The following TRIM37 variants were observed in gnomAD, a reference collection of about 807,000 sequenced individuals.
TRIM37 encodes E3 ubiquitin-protein ligase TRIM37.
In TRIM37, 80 loss-of-function variants were observed where a neutral mutation model predicts 129.8. The ratio of observed to expected loss-of-function variants is 0.62; its 90% CI spans 0.51 to 0.74. The LOEUF (loss-of-function observed/expected upper bound fraction) is 0.74, where lower values mean the gene tolerates loss of function less well. Among genes scored for constraint, TRIM37 ranks in the 30% least tolerant of loss-of-function variants. The probability of loss-of-function intolerance (pLI) is 0.00; values close to 1 mark genes in which losing one functional copy is unlikely to be tolerated. For missense variants in TRIM37, 1,054 were observed against 1,176.5 expected, an observed-to-expected ratio of 0.90 and a Z score of 1.52; for synonymous variants, 389 against 387.1, an observed-to-expected ratio of 1.00 and a Z score of -0.06.
chr17:59,066,505 AAAC>A (rs1367793589), intron 9 of TRIM37, among the ~76,000 whole-genome samples: 1 of 152,198 alleles, frequency 6.6e-6, no homozygotes, highest in East Asian at 1.9e-4. Flanking sequence ...AACCCAAATT[AAAC>A]AACAAGAGAT....
chr17:58,976,419 A>G, the TRIM37 span, among the ~76,000 whole-genome samples: 1 of 152,318 alleles, frequency 6.6e-6, no homozygotes, highest in East Asian at 1.9e-4. Context: ...GAAGAATTTG[A>G]GAAAGAATTG....
At chr17:59,056,642 A>C (rs1245046510) in intron 13 of TRIM37, among the ~76,000 whole-genome samples, 1 of 136,910 alleles carries the variant, frequency 7.3e-6, no homozygotes, top group Admixed American at 8.4e-5. Context: ...AGGCAGGAGA[A>C]TGGCGTGAAC....
At chr17:58,985,443 C>T (rs185395878) in intron 24 of TRIM37, among the ~76,000 whole-genome samples, 33 of 152,264 alleles carry the variant, frequency 2.2e-4, no homozygotes, top group Admixed American at 1.5e-3. Flanking sequence ...AAGAGGAACC[C>T]GACCTGCCAA....
At chr17:59,073,298 C>T (rs1359560652) in intron 8 of TRIM37, among the ~76,000 whole-genome samples, 2 of 146,304 alleles carry the variant, frequency 1.4e-5, no homozygotes, top group South Asian at 2.1e-4. Context: ...ATATTATTTA[C>T]TTTTTTTTTT....
chr17:59,092,348 G>A (rs1273799798), intron 2 of TRIM37, among the ~76,000 whole-genome samples: 15 of 150,616 alleles, frequency 1.0e-4, no homozygotes, highest in Non-Finnish European at 1.9e-4. Context: ...GCAGTGAGCC[G>A]AGATCCTGCC....
At position 59,062,672 on chromosome 17, in the gene TRIM37, AATCCCAAG is replaced by A. The variant is rs533635114; in HGVS notation, c.861-32_861-25del. 570 of 1,601,776 alleles carry A rather than the reference AATCCCAAG, an allele frequency of 3.6e-4. 1 individual carries two copies. The East Asian group carries it at 0.01, about 29-fold the overall frequency. Reference sequence around the variant, plus strand: ...TGCTAACGAAAAAGAAAACCAACCAAATCCCAAGATCAAAACTGTTGTGAAATGGCAAC... The same window carrying A: ...TGCTAACGAAAAAGAAAACCAACCAAATCAAAACTGTTGTGAAATGGCAAC... On this transcript the variant is annotated intron_variant, in intron 10 of 23. Coordinates refer to ENST00000262294, the MANE Select transcript of TRIM37 (RefSeq NM_015294.6).
chr17:59,032,115 T>A, intron 17 of TRIM37, 25 bp from the exon 18 acceptor site: 1 of 1,607,414 alleles, frequency 6.2e-7, no homozygotes, highest in Non-Finnish European at 8.5e-7. Context: ...TAGAAAATGA[T>A]ATATATATGC....
intron 24 of TRIM37, among the ~76,000 whole-genome samples, chr17:58,987,905 C>A (rs1292431901): frequency 6.6e-6 from 1 of 152,198 alleles, no homozygotes; most frequent in Non-Finnish European, 1.5e-5. Context: ...AATCACAGCA[C>A]TTCCAGCTTC....
chr17:59,049,486 T>C, intron 14 of TRIM37, 93 bp from the exon 15 acceptor site: 2 of 1,076,010 alleles, frequency 1.9e-6, no homozygotes, highest in Admixed American at 1.9e-5. Flanking sequence ...CAGATGTTTC[T>C]AAAACCATTG....
At chr17:58,992,319 G>A (rs1040968931) in intron 24 of TRIM37, among the ~76,000 whole-genome samples, 47 of 96,584 alleles carry the variant, frequency 4.9e-4, no homozygotes, top group Admixed American at 1.4e-3. Flanking sequence ...AAATACATAT[G>A]TAAATATATA....
Position 59,032,409 on chromosome 17 carries a change from C to CA in TRIM37, c.1754-320dup, listed in dbSNP as rs559080831. ...GCGCGGTGGCGGGCGCCTGTAGTCCCAGCTACTCGGGAGGCTGAGGCAGGA... is the reference window on the plus strand; with the variant it reads ...GCGCGGTGGCGGGCGCCTGTAGTCCCAAGCTACTCGGGAGGCTGAGGCAGGA... On this transcript the variant is annotated intron_variant, in intron 17 of 23. Coordinates refer to ENST00000262294, the MANE Select transcript of TRIM37 (RefSeq NM_015294.6). Among the ~76,000 whole-genome samples the CA allele has an allele frequency of 2.5e-3, 371 of 151,352 alleles. 2 individuals carry two copies. The highest frequency in any genetic ancestry group is 8.7e-3 in the African/African-American group (358 of 41,312).
intron 16 of TRIM37, 80 bp downstream of exon 16, chr17:59,047,603 T>C: frequency 1.4e-6 from 2 of 1,414,568 alleles, no homozygotes; most frequent in South Asian, 1.2e-5. Context: ...TGAATATCCC[T>C]ACATTTAAGT....
At chr17:59,075,994 G>A (rs528875289) in intron 7 of TRIM37, among the ~76,000 whole-genome samples, 10 of 152,202 alleles carry the variant, frequency 6.6e-5, no homozygotes, top group African/African-American at 1.9e-4. Context: ...TATACTTTAA[G>A]CAAAAAATTT....
At chr17:58,994,355 A>T (rs183051866), downstream of TRIM37, among the ~76,000 whole-genome samples, 3 of 152,086 alleles carry the variant, frequency 2.0e-5, no homozygotes, top group East Asian at 1.9e-4. Context: ...AAAAAATAAT[A>T]AAAAAAATAG....
chr17:58,971,582 G>A, the TRIM37 span, among the ~76,000 whole-genome samples: 1 of 152,176 alleles, frequency 6.6e-6, no homozygotes, highest in South Asian at 2.1e-4. Flanking sequence ...AAGCATCTTA[G>A]TACTCCAGGG....
chr17:58,967,299 G>A, the TRIM37 span, among the ~76,000 whole-genome samples: 1 of 151,940 alleles, frequency 6.6e-6, no homozygotes, highest in African/African-American at 2.4e-5. Flanking sequence ...TTACAACATT[G>A]TTTATAATAA....
intron 19 of TRIM37, among the ~76,000 whole-genome samples, chr17:59,019,444 T>C (rs146238393): frequency 0.021 from 3,167 of 152,262 alleles, 42 homozygotes; most frequent in Middle Eastern, 0.044. Context: ...GCGCAGTGGC[T>C]CACATCTGTA....
chr17:59,049,330 G>A lies in TRIM37; in HGVS notation c.1378C>T (p.Leu460Phe). Residue 460 changes from leucine to phenylalanine, a missense_variant, in exon 15 of 24, where the codon CTT becomes TTT. Coordinates refer to ENST00000262294, the MANE Select transcript of TRIM37 (RefSeq NM_015294.6). ...AGAGCATCATCATTTTGGGGGCTAA[G>A]ATGGTTATCTGGTGGTGACAAATCT... is the stretch of plus-strand genomic sequence containing the variant. Reference protein sequence around the residue: ...SRDLSPPDNHLSPQNDDALET... With the variant: ...SRDLSPPDNHFSPQNDDALET... 6.2e-7 allele frequency: 1 copy of A among 1,614,160 alleles called. No homozygotes were observed. The highest frequency in any genetic ancestry group is 8.5e-7 in the Non-Finnish European group (1 of 1,180,044).
At chr17:59,030,526 C>T (rs1053687640) in intron 18 of TRIM37, among the ~76,000 whole-genome samples, 1 of 152,172 alleles carries the variant, frequency 6.6e-6, no homozygotes, top group Non-Finnish European at 1.5e-5. Flanking sequence ...TCCCCGCCCT[C>T]ATTATTGCCA....
Sources: allele counts gnomAD v4.1 joint callset (sites outside exome capture counted in the v4.1 genomes callset), GRCh38; gene constraint gnomAD v4.1.1; transcripts MANE v1.5; gene names NCBI Gene and HGNC (gene_info 2026-07-23, HGNC 2026-07-21).